Variants in CSMD1 observed in about 807,000 individuals in gnomAD.
The protein encoded by CSMD1 is CUB and sushi domain-containing protein 1.
Under a neutral mutation model 417.5 loss-of-function variants are expected in CSMD1, and 213 were observed. That is an observed-to-expected ratio of 0.51 (90% CI 0.46 to 0.57). The LOEUF is 0.57. Ranked by LOEUF, CSMD1 falls within the 20% of genes least tolerant of loss-of-function variation. CSMD1 has a pLI of 0.00. For synonymous variants in CSMD1, 2,862 were observed against 1,736.8 expected (o/e 1.65, Z -16.11); for missense variants, 6,923 against 4,529.7 (o/e 1.53, Z -15.17).
At position 3,266,789 on chromosome 8, in the gene CSMD1, A is replaced by AAG. The variant is rs528067818; in HGVS notation, c.4153+17354_4153+17355insCT. 2.3e-4 allele frequency among the ~76,000 whole-genome samples: 35 copies of AAG among 151,416 alleles called. No individual in the cohort carries two copies. In the East Asian group the frequency reaches 6.4e-3, roughly 28 times the overall value. On this transcript the variant is annotated intron_variant, in intron 26 of 69. Transcript: ENST00000635120. Reference sequence around the variant, plus strand: ...GACACTGTCTTAAAAAAAATCAAAAAAAAAAAAAAAGGACCACCCTCAGAT... The same window carrying AAG: ...GACACTGTCTTAAAAAAAATCAAAAAAGAAAAAAAAAAGGACCACCCTCAGAT...
intron 2 of CSMD1, among the ~76,000 whole-genome samples, chr8:4,586,048 C>T (rs920282281): frequency 4.6e-5 from 7 of 152,086 alleles, no homozygotes; most frequent in East Asian, 1.9e-4. Context: ...AATGGTTGTA[C>T]GTATACATGG....
chr8:3,241,854 G>C (rs1037189642), intron 26 of CSMD1, among the ~76,000 whole-genome samples: 6 of 152,038 alleles, frequency 3.9e-5, no homozygotes, highest in Non-Finnish European at 8.8e-5. Context: ...TGTACACCTT[G>C]AAGGCGACGT....
intron 4 of CSMD1, among the ~76,000 whole-genome samples, chr8:4,006,710 A>T (rs911621282): frequency 1.3e-5 from 2 of 151,884 alleles, no homozygotes; most frequent in African/African-American, 4.8e-5. Flanking sequence ...AGAATATCTG[A>T]TTTCTATAAA....
At chr8:4,362,924 A>C (rs1450420560) in intron 3 of CSMD1, among the ~76,000 whole-genome samples, 2 of 152,208 alleles carry the variant, frequency 1.3e-5, no homozygotes, top group Non-Finnish European at 2.9e-5. Flanking sequence ...TTATTTCTTA[A>C]ACTGTTAGGA....
At chr8:3,681,139 T>C (rs1799640623) in intron 7 of CSMD1, among the ~76,000 whole-genome samples, 1 of 152,204 alleles carries the variant, frequency 6.6e-6, no homozygotes, top group Non-Finnish European at 1.5e-5. Flanking sequence ...AAGACAGGGA[T>C]GCCCTCTTTC....
At chr8:3,466,607 G>C (rs1445119678) in intron 12 of CSMD1, among the ~76,000 whole-genome samples, 1 of 115,710 alleles carries the variant, frequency 8.6e-6, no homozygotes. Context: ...TTTGTATTCT[G>C]AGGAGAGATA....
At chr8:4,205,321 A>G (rs1210911215) in intron 3 of CSMD1, among the ~76,000 whole-genome samples, 3 of 152,244 alleles carry the variant, frequency 2.0e-5, no homozygotes, top group Admixed American at 6.5e-5. Context: ...TTACTCAGAT[A>G]TTCTAAAATA....
At chr8:3,496,915 G>T (rs1476624885) in intron 10 of CSMD1, among the ~76,000 whole-genome samples, 1 of 152,286 alleles carries the variant, frequency 6.6e-6, no homozygotes, top group Non-Finnish European at 1.5e-5. Flanking sequence ...GGACACTCAG[G>T]AACATGTTTA....
intron 10 of CSMD1, among the ~76,000 whole-genome samples, chr8:3,521,007 C>T (rs978367592): frequency 7.2e-5 from 11 of 152,126 alleles, no homozygotes; most frequent in African/African-American, 2.7e-4. Flanking sequence ...CTCTCTGGAG[C>T]ATCCATTCCT....
At chr8:4,750,134 T>G (rs979062022) in intron 1 of CSMD1, among the ~76,000 whole-genome samples, 21 of 152,114 alleles carry the variant, frequency 1.4e-4, no homozygotes, top group Admixed American at 1.1e-3. Context: ...GCCTCCCGAG[T>G]AGCTGGGACT....
intron 3 of CSMD1, among the ~76,000 whole-genome samples, chr8:4,141,264 T>G (rs549572172): frequency 6.6e-6 from 1 of 151,120 alleles, no homozygotes; most frequent in East Asian, 1.9e-4. Context: ...ATGCTGAAAT[T>G]CCAGCGACCT....
At chr8:3,198,076 C>A (rs143521646) in intron 33 of CSMD1, among the ~76,000 whole-genome samples, 2 of 152,272 alleles carry the variant, frequency 1.3e-5, no homozygotes, top group African/African-American at 4.8e-5. Flanking sequence ...TCTTTTCTTT[C>A]TACTTTTCCG....
At chr8:4,020,445 T>A (rs1263215107) in intron 4 of CSMD1, among the ~76,000 whole-genome samples, 4 of 152,218 alleles carry the variant, frequency 2.6e-5, no homozygotes. Context: ...TCTATTGATA[T>A]TATAGGATAG....
intron 3 of CSMD1, among the ~76,000 whole-genome samples, chr8:4,202,512 TA>T (rs1799718982): frequency 6.6e-6 from 1 of 152,212 alleles, no homozygotes; most frequent in Admixed American, 6.5e-5. Flanking sequence ...TTTGCACTTT[TA>T]TACTTAAAAA....
chr8:4,004,979 C>G (rs113202568), intron 4 of CSMD1, among the ~76,000 whole-genome samples: 12,474 of 152,190 alleles, frequency 0.082, 583 homozygotes, highest in Middle Eastern at 0.13. Flanking sequence ...CTCCTGACCT[C>G]GTGATCTGCC....
chr8:3,450,256 A>T (rs1167896805), intron 12 of CSMD1, among the ~76,000 whole-genome samples: 1 of 152,056 alleles, frequency 6.6e-6, no homozygotes, highest in Non-Finnish European at 1.5e-5. Flanking sequence ...GTCATGACCT[A>T]ATCAGGAGTT....
chr8:3,350,089 A>C (rs186200581), intron 21 of CSMD1, among the ~76,000 whole-genome samples: 2 of 127,314 alleles, frequency 1.6e-5, no homozygotes, highest in African/African-American at 6.7e-5. Flanking sequence ...TAATACCTAT[A>C]ATAACCTATA....
At chr8:4,279,885 T>C (rs575503667) in intron 3 of CSMD1, among the ~76,000 whole-genome samples, 1 of 152,308 alleles carries the variant, frequency 6.6e-6, no homozygotes, top group Non-Finnish European at 1.5e-5. Flanking sequence ...AGATGCCAAC[T>C]GCGTCAAAAG....
At chr8:4,379,712 G>A (rs1802980966) in intron 3 of CSMD1, among the ~76,000 whole-genome samples, 1 of 98,998 alleles carries the variant, frequency 1.0e-5, no homozygotes, top group South Asian at 3.4e-4. Flanking sequence ...GGCGGGAAGA[G>A]GGCAATGAAG....
Sources: allele counts gnomAD v4.1 joint callset (sites outside exome capture counted in the v4.1 genomes callset), GRCh38; gene constraint gnomAD v4.1.1; transcripts MANE v1.5; gene names NCBI Gene and HGNC (gene_info 2026-07-23, HGNC 2026-07-21).